Variants in ENTPD7 observed in about 807,000 individuals in gnomAD.
ENTPD7 encodes ectonucleoside triphosphate diphosphohydrolase 7.
ENTPD7 carries 53 observed loss-of-function variants against 77.9 expected under a neutral mutation model. The observed-to-expected ratio is 0.68, with a 90% confidence interval of 0.55 to 0.85. The LOEUF (loss-of-function observed/expected upper bound fraction) is 0.85. Ranked by LOEUF, ENTPD7 falls within the 40% of genes least tolerant of loss-of-function variation. The pLI is 0.00. For synonymous variants in ENTPD7, 248 were observed against 274.9 expected, an observed-to-expected ratio of 0.90 and a Z score of 0.97; for missense variants, 636 against 743.7, an observed-to-expected ratio of 0.86 and a Z score of 1.68.
chr10:99,696,390 T>C (rs2035978728), intron 9 of ENTPD7, among the ~76,000 whole-genome samples: 1 of 152,182 alleles, frequency 6.6e-6, no homozygotes, highest in Non-Finnish European at 1.5e-5. Flanking sequence ...CCTAACATCA[T>C]GGGAAAAGGG....
intron 5 of ENTPD7, among the ~76,000 whole-genome samples, chr10:99,685,370 G>A (rs898923642): frequency 2.0e-5 from 3 of 152,186 alleles, no homozygotes; most frequent in African/African-American, 7.2e-5. Context: ...TAAGATTTGA[G>A]GATGAGATTG....
At position 99,710,373 on chromosome 10, in the gene ENTPD7, A is replaced by G. The variant is rs2133549005; in HGVS notation, c.*5690A>G. ...TAGTTGAAGTCCTGAAGTACATGCC[A>G]TGTACTCCCCCTTTATTTCTACCTT... On this transcript the variant is annotated 3_prime_UTR_variant, in exon 13 of 13. Transcript: ENST00000370489. The G allele has an allele frequency of 1.0e-6, 1 of 985,438 alleles. No individual in the cohort carries two copies. Among genetic ancestry groups the G allele is most frequent in the Non-Finnish European group, 1.2e-6 (1 of 829,924 alleles). The allele number at this position is 985,438 out of a possible 1,614,324, so 61.0% of individuals were successfully genotyped here.
chr10:99,704,780 C>T lies in ENTPD7; in HGVS notation c.*97C>T. 8.9e-7 allele frequency: 1 copy of T among 1,124,788 alleles called. No homozygotes were observed. Among genetic ancestry groups the T allele is most frequent in the Non-Finnish European group, 1.3e-6 (1 of 784,466 alleles). The allele number at this position is 1,124,788 out of a possible 1,614,324, so 69.7% of individuals were successfully genotyped here. A position where few individuals can be genotyped will look rare whatever the true frequency, so the allele number is the denominator to read the frequency against. Reference sequence around the variant, plus strand: ...TAGCCTCAGATGCTGTGATGTCTGACCTTGTGGATATTTGCCCTTGGAATT... The same window carrying T: ...TAGCCTCAGATGCTGTGATGTCTGATCTTGTGGATATTTGCCCTTGGAATT... On this transcript the variant is annotated 3_prime_UTR_variant, in exon 13 of 13. Transcript: ENST00000370489.
rs1259249913 is a variant in ENTPD7, at chr10:99,706,561, T to C, written c.*1878T>C. On this transcript the variant is annotated 3_prime_UTR_variant, in exon 13 of 13. Transcript: ENST00000370489. The stretch of plus-strand genomic sequence containing the variant: ...TGTTGTCCAGGCTGGTCTCAAACTC[T>C]TGGGCTCAAGCAATCCTCCCACCTC... Among the ~76,000 whole-genome samples the C allele has an allele frequency of 1.3e-5, 2 of 151,832 alleles. No homozygotes were observed. Among genetic ancestry groups the C allele is most frequent in the African/African-American group, 2.4e-5 (1 of 41,338 alleles).
At chr10:99,691,705 A>T (rs772848315) in intron 8 of ENTPD7, among the ~76,000 whole-genome samples, 187 bp downstream of exon 8, 2 of 152,234 alleles carry the variant, frequency 1.3e-5, no homozygotes, top group Non-Finnish European at 2.9e-5. Flanking sequence ...AAGGAATAAT[A>T]ATAGTATCTA....
rs1430122857 is a variant in ENTPD7 at position 99,698,577 on chromosome 10, C to T, written c.1054C>T (p.Leu352=). 2.5e-6 allele frequency: 4 copies of T among 1,614,030 alleles called. No homozygotes were observed. Among genetic ancestry groups the T allele is most frequent in the Non-Finnish European group, 3.4e-6 (4 of 1,180,040 alleles). The stretch of plus-strand genomic sequence containing the variant: ...AGGTCTGAGTCCCGACAATCCATTT[C>T]TGGATCCCTGCCTGCCAGTGGGACT... ...KTGLSPDNPF[L]DPCLPVGLTD... is the part of the protein sequence containing the mutation. The change falls in exon 10 of 13, where the codon CTG becomes TTG. Residue 352 remains leucine, a synonymous_variant. Transcript: ENST00000370489.
Position 99,705,183 on chromosome 10 carries a change from A to G in ENTPD7, c.*500A>G, listed in dbSNP as rs185423638. 6.2e-6 allele frequency: 1 copy of G among 160,334 alleles called. No individual in the cohort carries two copies. Among genetic ancestry groups the G allele is most frequent in the Admixed American group, 5.8e-5 (1 of 17,280 alleles). The allele number at this position is 160,334 out of a possible 1,614,324, so 9.9% of individuals were successfully genotyped here. A position where few individuals can be genotyped will look rare whatever the true frequency, so the allele number is the denominator to read the frequency against. ...AGGGATCCAAGATCTTTGCAGTTCA[A>G]TCGACCACATAGGAATTTCCAGGCA... On this transcript the variant is annotated 3_prime_UTR_variant, in exon 13 of 13. Coordinates refer to ENST00000370489, the MANE Select transcript of ENTPD7 (RefSeq NM_020354.5).
In ENTPD7 at chr10:99,705,658, A is replaced by C. The variant is rs144041678; in HGVS notation, c.*975A>C. 6.6e-6 allele frequency: 1 copy of C among 152,246 alleles called. No individual in the cohort carries two copies. Among genetic ancestry groups the C allele is most frequent in the African/African-American group, 2.4e-5 (1 of 41,472 alleles). 9.4% of individuals were successfully genotyped at this position (152,246 alleles called of 1,614,324 possible). A position where few individuals can be genotyped will look rare whatever the true frequency, so the allele number is the denominator to read the frequency against. On this transcript the variant is annotated 3_prime_UTR_variant, in exon 13 of 13. Coordinates refer to ENST00000370489, the MANE Select transcript of ENTPD7 (RefSeq NM_020354.5). ...AAGAAAAGGGGAACAGAATCAGGAG[A>C]GTGGGCAAAGGCAATAAAATCAAAG...
intron 10 of ENTPD7, among the ~76,000 whole-genome samples, chr10:99,699,685 C>G (rs2036068403): frequency 6.6e-6 from 1 of 152,286 alleles, no homozygotes; most frequent in Non-Finnish European, 1.5e-5. Context: ...CTGCCTCAGC[C>G]TCCCGAGTAG....
chr10:99,663,813 G>A (rs1378988299), intron 3 of ENTPD7, among the ~76,000 whole-genome samples: 2 of 151,976 alleles, frequency 1.3e-5, no homozygotes, highest in Non-Finnish European at 1.5e-5. Flanking sequence ...TGGATTTGTA[G>A]TTTTAATCAA....
At chr10:99,667,800 A>T (rs2035568350) in intron 3 of ENTPD7, among the ~76,000 whole-genome samples, 1 of 152,224 alleles carries the variant, frequency 6.6e-6, no homozygotes, top group African/African-American at 2.4e-5. Flanking sequence ...GAGAGAGGAA[A>T]TTTAATAAAG....
In ENTPD7 at chr10:99,710,713, G is replaced by C; in HGVS notation, c.*6030G>C. Reference sequence around the variant, plus strand: ...CCACCATTCATCCCAGGACCACAAGGGTAGCTGTAGATAAACTGGTTATCC... The same window carrying C: ...CCACCATTCATCCCAGGACCACAAGCGTAGCTGTAGATAAACTGGTTATCC... On this transcript the variant is annotated 3_prime_UTR_variant, in exon 13 of 13. Transcript: ENST00000370489. 1.0e-6 allele frequency: 1 copy of C among 985,302 alleles called. No homozygotes were observed. The highest frequency in any genetic ancestry group is 4.7e-5 in the South Asian group (1 of 21,278). 61.0% of individuals were successfully genotyped at this position (985,302 alleles called of 1,614,324 possible). A position where few individuals can be genotyped will look rare whatever the true frequency, so the allele number is the denominator to read the frequency against.
rs2036152953 is a variant in ENTPD7, at chr10:99,702,296, G to A, written c.1422-216G>A. Among the ~76,000 whole-genome samples, 3 of 151,938 alleles carry A rather than the reference G, an allele frequency of 2.0e-5. No individual in the cohort carries two copies. In the South Asian group the frequency reaches 6.2e-4, roughly 31 times the overall value. On this transcript the variant is annotated intron_variant, in intron 11 of 12. Coordinates refer to ENST00000370489, the MANE Select transcript of ENTPD7 (RefSeq NM_020354.5). ...TGAAGATAGGGACTCTTAAAAAAAA[G>A]AAAAAGAAAAACACAGCCACAGTAT...
rs35429967 is a variant in ENTPD7 at position 99,690,004 on chromosome 10, GA to G, written c.709+1262del. Among the ~76,000 whole-genome samples, 93 of 151,940 alleles carry G rather than the reference GA, an allele frequency of 6.1e-4. 1 individual carries two copies. The highest frequency in any genetic ancestry group is 2.0e-3 in the African/African-American group (82 of 41,458). On this transcript the variant is annotated intron_variant, in intron 7 of 12. Transcript: ENST00000370489. ...CTAGCAACTTCCAAAGGTAACCAGT[GA>G]AAAAAAAGTTTTAATTATTATTATG...
chr10:99,704,849 T>C lies in ENTPD7; in HGVS notation c.*166T>C. On this transcript the variant is annotated 3_prime_UTR_variant, in exon 13 of 13. Transcript: ENST00000370489. Reference sequence around the variant, plus strand: ...GTAATTCCTTCTCCGTACCCAGGTCTTCTCTGAGAGAAGCTATAATTTAAT... The same window carrying C: ...GTAATTCCTTCTCCGTACCCAGGTCCTCTCTGAGAGAAGCTATAATTTAAT... 1 of 650,838 alleles carries C rather than the reference T, an allele frequency of 1.5e-6. No individual in the cohort carries two copies. 40.3% of individuals were successfully genotyped at this position (650,838 alleles called of 1,614,324 possible). A position where few individuals can be genotyped will look rare whatever the true frequency, so the allele number is the denominator to read the frequency against.
chr10:99,709,865 C>A lies in ENTPD7; in HGVS notation c.*5182C>A. On this transcript the variant is annotated 3_prime_UTR_variant, in exon 13 of 13. Coordinates refer to ENST00000370489, the MANE Select transcript of ENTPD7 (RefSeq NM_020354.5). ...AGAGGGACGAGGAAGGAATAACACA[C>A]CAGTTGACCATTTTGTTTCTCTGAA... is the stretch of plus-strand genomic sequence containing the variant. 4.1e-6 allele frequency: 4 copies of A among 985,386 alleles called. No individual in the cohort carries two copies. Among genetic ancestry groups the A allele is most frequent in the Non-Finnish European group, 4.8e-6 (4 of 829,882 alleles). 61.0% of individuals were successfully genotyped at this position (985,386 alleles called of 1,614,324 possible). A position where few individuals can be genotyped will look rare whatever the true frequency, so the allele number is the denominator to read the frequency against.
At chr10:99,665,149 G>A (rs2035533228) in intron 3 of ENTPD7, among the ~76,000 whole-genome samples, 1 of 152,060 alleles carries the variant, frequency 6.6e-6, no homozygotes, top group Non-Finnish European at 1.5e-5. Flanking sequence ...CTTCCCAGGA[G>A]GCTGAAGTGG....
chr10:99,669,062 G>A (rs1432653436), intron 3 of ENTPD7, among the ~76,000 whole-genome samples: 1 of 132,284 alleles, frequency 7.6e-6, no homozygotes, highest in Non-Finnish European at 1.6e-5. Flanking sequence ...TTTTTTTGTA[G>A]AGACAGTGTC....
chr10:99,696,719 G>T (rs944193983), intron 9 of ENTPD7, among the ~76,000 whole-genome samples: 3 of 151,964 alleles, frequency 2.0e-5, no homozygotes, highest in Non-Finnish European at 4.4e-5. Context: ...TTTCTTTTTT[G>T]TTTTTTAAGT....
Sources: gnomAD v4.1 joint callset for allele counts (sites outside exome capture counted in the v4.1 genomes callset) on GRCh38, gnomAD v4.1.1 for gene constraint, MANE v1.5 for transcripts, NCBI Gene and HGNC (gene_info 2026-07-23, HGNC 2026-07-21) for gene names.